The following TTC1 variants were observed in gnomAD, a reference collection of about 807,000 sequenced individuals.
TTC1 encodes tetratricopeptide repeat domain 1.
Under a neutral mutation model 37.6 loss-of-function variants are expected in TTC1, and 31 were observed. The ratio of observed to expected loss-of-function variants is 0.82; its 90% CI spans 0.62 to 1.11. TTC1 has a LOEUF of 1.11. TTC1 is among the 50% of genes most tolerant of loss of function. The probability of loss-of-function intolerance (pLI) is 0.00; values close to 1 mark genes in which losing one functional copy is unlikely to be tolerated. For synonymous variants in TTC1, 127 were observed against 122.4 expected, an observed-to-expected ratio of 1.04 and a Z score of -0.25; for missense variants, 351 against 339.0, an observed-to-expected ratio of 1.04 and a Z score of -0.28.
intron 2 of TTC1, among the ~76,000 whole-genome samples, chr5:160,026,221 G>A (rs1466158647): frequency 6.6e-6 from 1 of 152,212 alleles, no homozygotes; most frequent in Non-Finnish European, 1.5e-5. Context: ...ATGTCGGGGT[G>A]AGAGAATTTA....
rs1581092432 is a variant in TTC1 at position 160,016,260 on chromosome 5, C to G, written c.330+5402C>G. ...AGGTATGGCGGTGCACACCTATAGT[C>G]CCAGCTACTTAGAAGGCTGAGGCAC... On this transcript the variant is annotated intron_variant, in intron 2 of 7. Transcript: ENST00000231238. Among the ~76,000 whole-genome samples the G allele has an allele frequency of 2.0e-5, 3 of 152,072 alleles. 1 individual carries two copies. The highest frequency in any genetic ancestry group is 6.6e-5 in the Admixed American group (1 of 15,258).
At position 160,057,251 on chromosome 5, in the gene TTC1, C is replaced by T. The variant is rs1262212550; in HGVS notation, c.745+6068C>T. On this transcript the variant is annotated intron_variant, in intron 7 of 7. Transcript: ENST00000231238. The surrounding 1 kb of genome is among the most constrained non-coding windows in gnomAD (Gnocchi z 4.4). Reference sequence around the variant, plus strand: ...GCTTCTTTCAGCCCTCGAATTTACCCAAGGTCAAATACAGGCGTACCTCAG... The same window carrying T: ...GCTTCTTTCAGCCCTCGAATTTACCTAAGGTCAAATACAGGCGTACCTCAG... Among the ~76,000 whole-genome samples the T allele has an allele frequency of 6.6e-6, 1 of 152,084 alleles. No homozygotes were observed. Among genetic ancestry groups the T allele is most frequent in the Non-Finnish European group, 1.5e-5 (1 of 68,018 alleles).
intron 2 of TTC1, among the ~76,000 whole-genome samples, chr5:160,029,357 C>T (rs1756865053): frequency 6.6e-6 from 1 of 151,678 alleles, no homozygotes; most frequent in Admixed American, 6.6e-5. Flanking sequence ...GAATCCAGGA[C>T]TCGGCTGAAT....
chr5:160,040,558 A>G (rs1757070756), intron 4 of TTC1, among the ~76,000 whole-genome samples: 1 of 152,136 alleles, frequency 6.6e-6, no homozygotes, highest in South Asian at 2.1e-4. Flanking sequence ...TTGTACAACT[A>G]CAAAAATATT....
At chr5:160,019,012 G>A (rs1756655091) in intron 2 of TTC1, among the ~76,000 whole-genome samples, 1 of 152,098 alleles carries the variant, frequency 6.6e-6, no homozygotes, top group Non-Finnish European at 1.5e-5. Context: ...AGAAGATGAA[G>A]GAACTTTGAA....
intron 7 of TTC1, among the ~76,000 whole-genome samples, chr5:160,054,265 A>G (rs1757482923): frequency 1.3e-5 from 2 of 152,200 alleles, no homozygotes; most frequent in African/African-American, 4.8e-5. Flanking sequence ...CTAGTCATTG[A>G]TGCTTTATTT....
chr5:160,045,454 C>CCACACA (rs57919333), intron 5 of TTC1, among the ~76,000 whole-genome samples: 397 of 38,850 alleles, frequency 0.01, 22 homozygotes, highest in Middle Eastern at 0.023. Context: ...CCCCCACCCT[C>CCACACA]CACACACACA....
At chr5:160,045,131 T>C (rs1263554276) in intron 5 of TTC1, among the ~76,000 whole-genome samples, 1 of 152,142 alleles carries the variant, frequency 6.6e-6, no homozygotes, top group Non-Finnish European at 1.5e-5. Flanking sequence ...TTTCAAAGCT[T>C]CTTTCTCTGT....
intron 2 of TTC1, among the ~76,000 whole-genome samples, chr5:160,016,783 G>A (rs1004102585): frequency 3.9e-5 from 6 of 152,124 alleles, no homozygotes; most frequent in South Asian, 2.1e-4. Flanking sequence ...GTGCTATTCC[G>A]TACAGGGTCT....
intron 2 of TTC1, among the ~76,000 whole-genome samples, chr5:160,011,847 G>T (rs1347840262): frequency 1.3e-5 from 2 of 152,092 alleles, no homozygotes; most frequent in Non-Finnish European, 2.9e-5. Flanking sequence ...TGAACAGGTT[G>T]TGATACATTG....
chr5:160,035,240 C>G (rs1384070857), intron 3 of TTC1, 40 bp downstream of exon 3: 1 of 1,519,808 alleles, frequency 6.6e-7, no homozygotes, highest in South Asian at 1.3e-5. Flanking sequence ...GTCATCTTGA[C>G]TCCTCATCCT....
In TTC1 at chr5:160,035,201, G is replaced by A; in HGVS notation, c.391+1G>A. 6.2e-7 allele frequency: 1 copy of A among 1,602,242 alleles called. No individual in the cohort carries two copies. Among genetic ancestry groups the A allele is most frequent in the Non-Finnish European group, 8.5e-7 (1 of 1,175,138 alleles). On this transcript the variant is annotated splice_donor_variant, in intron 3 of 7. Coordinates refer to ENST00000231238, the MANE Select transcript of TTC1 (RefSeq NM_003314.3). LOFTEE classifies it high-confidence loss of function. Reference sequence around the variant, plus strand: ...GGAAATGAACAGTTTAAGAAAGGAGGTAAGACGACTTTCAGCACTGATAAT... The same window carrying A: ...GGAAATGAACAGTTTAAGAAAGGAGATAAGACGACTTTCAGCACTGATAAT...
At chr5:160,025,479 A>G (rs1756785677) in intron 2 of TTC1, among the ~76,000 whole-genome samples, 1 of 152,244 alleles carries the variant, frequency 6.6e-6, no homozygotes, top group Non-Finnish European at 1.5e-5. Flanking sequence ...TTTTTAACAT[A>G]GGTCTCGAAA....
At chr5:160,031,933 G>A (rs1210834868) in intron 2 of TTC1, among the ~76,000 whole-genome samples, 1 of 152,178 alleles carries the variant, frequency 6.6e-6, no homozygotes, top group Admixed American at 6.5e-5. Flanking sequence ...CAAGTTTACA[G>A]TAAACTCTTA....
chr5:160,025,898 A>T (rs146604286), intron 2 of TTC1, among the ~76,000 whole-genome samples: 1 of 152,318 alleles, frequency 6.6e-6, no homozygotes, highest in East Asian at 1.9e-4. Context: ...ACCTAAAAAT[A>T]TGAACTTGGA....
At chr5:160,064,205 G>A (rs1344264323) in intron 7 of TTC1, among the ~76,000 whole-genome samples, 3 of 151,858 alleles carry the variant, frequency 2.0e-5, no homozygotes, top group Non-Finnish European at 4.4e-5. Flanking sequence ...CTGACCTCAG[G>A]TGATCCACCC....
intron 2 of TTC1, among the ~76,000 whole-genome samples, chr5:160,023,450 C>G (rs1191885069): frequency 2.0e-5 from 3 of 151,986 alleles, no homozygotes; most frequent in Non-Finnish European, 4.4e-5. Flanking sequence ...AGCCACCACG[C>G]CCAGCTAATT....
At position 160,026,659 on chromosome 5, in the gene TTC1, A is replaced by G. The variant is rs1413504711; in HGVS notation, c.331-8481A>G. On this transcript the variant is annotated intron_variant, in intron 2 of 7. Coordinates refer to ENST00000231238, the MANE Select transcript of TTC1 (RefSeq NM_003314.3). ...TGTTTACACAGTATCTTTTTTTTAT[A>G]CTTTTATTTTCAACCTGTATATGTC... is the stretch of plus-strand genomic sequence containing the variant. 3.3e-5 allele frequency among the ~76,000 whole-genome samples: 5 copies of G among 151,866 alleles called. No individual in the cohort carries two copies. The East Asian group carries it at 9.6e-4, about 29-fold the overall frequency.
intron 2 of TTC1, among the ~76,000 whole-genome samples, chr5:160,013,169 G>A (rs1245256123): frequency 6.6e-6 from 1 of 152,102 alleles, no homozygotes; most frequent in Non-Finnish European, 1.5e-5. Context: ...TCTACTTTAA[G>A]GAAACAACCT....
Sources: allele counts gnomAD v4.1 joint callset (sites outside exome capture counted in the v4.1 genomes callset), GRCh38; gene constraint gnomAD v4.1.1; non-coding constraint Gnocchi (gnomAD v3.1); transcripts MANE v1.5; gene names NCBI Gene and HGNC (gene_info 2026-07-23, HGNC 2026-07-21).